PDZD8: variants seen among roughly 807,000 people sequenced by gnomAD.
PDZD8 encodes PDZ domain containing 8, also known as PDZ domain-containing protein 8.
PDZD8 carries 14 observed loss-of-function variants against 85.8 expected under a neutral mutation model. The observed-to-expected ratio is 0.16, with a 90% CI of 0.11 to 0.26. The LOEUF is 0.26. Ranked by LOEUF, PDZD8 falls within the 10% of genes least tolerant of loss-of-function variation. PDZD8 has a pLI of 1.00. For missense variants in PDZD8, 1,197 were observed against 1,424.3 expected (o/e 0.84, Z 2.57); for synonymous variants, 592 against 568.6 (o/e 1.04, Z -0.59).
intron 1 of PDZD8, among the ~76,000 whole-genome samples, chr10:117,363,190 T>C (rs1020221360): frequency 6.6e-6 from 1 of 152,116 alleles, no homozygotes; most frequent in African/African-American, 2.4e-5. Flanking sequence ...TTTATTTGCA[T>C]GACCAAATGA....
intron 1 of PDZD8, among the ~76,000 whole-genome samples, chr10:117,368,142 A>G (rs1189661730): frequency 6.6e-6 from 1 of 152,238 alleles, no homozygotes; most frequent in Non-Finnish European, 1.5e-5. Flanking sequence ...CACGTTTACT[A>G]TACCCACCGC....
At chr10:117,359,667 C>T (rs1282332805) in intron 1 of PDZD8, among the ~76,000 whole-genome samples, 1 of 151,664 alleles carries the variant, frequency 6.6e-6, no homozygotes, top group Non-Finnish European at 1.5e-5. Context: ...GCCGAGGTCG[C>T]ACCACTACAC....
At chr10:117,364,716 TTAAG>T (rs2133885080) in intron 1 of PDZD8, among the ~76,000 whole-genome samples, 1 of 151,900 alleles carries the variant, frequency 6.6e-6, no homozygotes, top group Non-Finnish European at 1.5e-5. Flanking sequence ...CATGAACAGA[TTAAG>T]TGAGAAGTGG....
intron 2 of PDZD8, 68 bp from the exon 3 acceptor site, chr10:117,319,042 T>G: frequency 9.3e-7 from 1 of 1,078,360 alleles, no homozygotes; most frequent in Non-Finnish European, 1.4e-6. Flanking sequence ...TTCTTTCTGA[T>G]TATTATAACA....
chr10:117,298,608 A>G (rs929667518), intron 3 of PDZD8, among the ~76,000 whole-genome samples: 4 of 152,158 alleles, frequency 2.6e-5, no homozygotes, highest in African/African-American at 9.6e-5. Flanking sequence ...GACAATATAT[A>G]TATCTGATAT....
intron 1 of PDZD8, among the ~76,000 whole-genome samples, chr10:117,356,490 T>G (rs545368956): frequency 7.0e-4 from 107 of 152,160 alleles, no homozygotes; most frequent in Non-Finnish European, 1.1e-3. Flanking sequence ...ATAGTCTAAT[T>G]AGACCTGAGT....
intron 1 of PDZD8, among the ~76,000 whole-genome samples, chr10:117,343,395 G>A (rs931729534): frequency 6.6e-6 from 1 of 152,104 alleles, no homozygotes; most frequent in African/African-American, 2.4e-5. Context: ...TGCATTTGAA[G>A]TCATTTGATT....
intron 2 of PDZD8, among the ~76,000 whole-genome samples, chr10:117,328,899 C>T (rs1844365801): frequency 6.6e-6 from 1 of 152,194 alleles, no homozygotes; most frequent in Non-Finnish European, 1.5e-5. Flanking sequence ...ACTGATATCT[C>T]CTCTTGGTAT....
chr10:117,333,117 C>CAAAAAAAA (rs752527474), intron 2 of PDZD8, among the ~76,000 whole-genome samples: 75 of 7,212 alleles, frequency 0.01, 2 homozygotes, highest in Non-Finnish European at 0.034. Flanking sequence ...GACTCTGTCT[C>CAAAAAAAA]AAAAAAAAAA....
intron 2 of PDZD8, among the ~76,000 whole-genome samples, chr10:117,320,351 A>G (rs1050485998): frequency 6.6e-5 from 10 of 152,174 alleles, no homozygotes; most frequent in African/African-American, 2.4e-4. Flanking sequence ...CCTGACAGGT[A>G]TAAATCTTCA....
chr10:117,343,564 T>C (rs1844654125), intron 1 of PDZD8, among the ~76,000 whole-genome samples: 1 of 152,226 alleles, frequency 6.6e-6, no homozygotes, highest in African/African-American at 2.4e-5. Context: ...CCATATACAC[T>C]AGAAACTTTG....
At chr10:117,351,575 A>G (rs1844806162) in intron 1 of PDZD8, among the ~76,000 whole-genome samples, 3 of 152,232 alleles carry the variant, frequency 2.0e-5, no homozygotes, top group Admixed American at 6.5e-5. Flanking sequence ...CTTGTTTTGA[A>G]TGCTGATTTC....
rs1240814991 is a variant in PDZD8 at position 117,280,156 on chromosome 10, A to G, written c.*3112T>C. 2.0e-5 allele frequency: 3 copies of G among 152,226 alleles called. No individual in the cohort carries two copies. Among genetic ancestry groups the G allele is most frequent in the South Asian group, 2.1e-4 (1 of 4,830 alleles). The allele number at this position is 152,226 out of a possible 1,614,324, so 9.4% of individuals were successfully genotyped here. The stretch of plus-strand genomic sequence containing the variant: ...ATTTCAAGTACTTCTGATATTGAAT[A>G]TAAGGCTTGATATGAAGAAGTATAG... On this transcript the variant is annotated 3_prime_UTR_variant, in exon 5 of 5. Coordinates refer to ENST00000334464, the MANE Select transcript of PDZD8 (RefSeq NM_173791.5).
chr10:117,370,641 A>G (rs1845172687), intron 1 of PDZD8, among the ~76,000 whole-genome samples: 1 of 152,170 alleles, frequency 6.6e-6, no homozygotes, highest in South Asian at 2.1e-4. Context: ...CAGGAGTTCG[A>G]AACCAGCCTG....
intron 3 of PDZD8, among the ~76,000 whole-genome samples, chr10:117,305,805 A>G (rs1843933571): frequency 6.6e-6 from 1 of 152,192 alleles, no homozygotes; most frequent in African/African-American, 2.4e-5. Flanking sequence ...CCTAAGAACT[A>G]GGGCAGATTT....
At chr10:117,301,769 G>C (rs1030123748) in intron 3 of PDZD8, among the ~76,000 whole-genome samples, 1 of 152,044 alleles carries the variant, frequency 6.6e-6, no homozygotes, top group Non-Finnish European at 1.5e-5. Flanking sequence ...CATAATTGAC[G>C]ATCCCAACTA....
intron 3 of PDZD8, among the ~76,000 whole-genome samples, chr10:117,307,721 G>A (rs1477977629): frequency 1.3e-5 from 2 of 151,884 alleles, no homozygotes; most frequent in South Asian, 4.1e-4. Context: ...TTCCCAAATC[G>A]ACTTTAAACT....
At chr10:117,304,543 G>C (rs1249624233) in intron 3 of PDZD8, among the ~76,000 whole-genome samples, 1 of 152,078 alleles carries the variant, frequency 6.6e-6, no homozygotes, top group African/African-American at 2.4e-5. Flanking sequence ...GAGATTTGGA[G>C]GGGCCAGGGG....
At chr10:117,354,300 T>C (rs1468622348) in intron 1 of PDZD8, among the ~76,000 whole-genome samples, 1 of 152,226 alleles carries the variant, frequency 6.6e-6, no homozygotes, top group Non-Finnish European at 1.5e-5. Flanking sequence ...CACAGGACTA[T>C]TACTAAGATT....
Sources: gnomAD v4.1 joint callset for allele counts (sites outside exome capture counted in the v4.1 genomes callset) on GRCh38, gnomAD v4.1.1 for gene constraint, MANE v1.5 for transcripts, NCBI Gene and HGNC (gene_info 2026-07-23, HGNC 2026-07-21) for gene names.